Variants in NDC80 observed in about 807,000 individuals in gnomAD.
NDC80 encodes the protein kinetochore protein NDC80 homolog.
NDC80 carries 69 observed loss-of-function variants against 89.3 expected under a neutral mutation model. The observed-to-expected ratio is 0.77, with a 90% CI of 0.64 to 0.94. The LOEUF (loss-of-function observed/expected upper bound fraction) is 0.94, where lower values mean the gene tolerates loss of function less well. Ranked by LOEUF, NDC80 falls within the 40% of genes least tolerant of loss-of-function variation. NDC80 has a pLI of 0.00. For synonymous variants in NDC80, 243 were observed against 255.6 expected (o/e 0.95, Z 0.47); for missense variants, 593 against 739.6 (o/e 0.80, Z 2.30).
At position 2,610,851 on chromosome 18, in the gene NDC80, G is replaced by A. The variant is rs201624661; in HGVS notation, c.1781G>A (p.Gly594Glu). Residue 594 changes from glycine to glutamate, a missense_variant, in exon 16 of 17, where the codon GGG (glycine) becomes GAG (glutamate). Gly to Glu is a moderately conservative substitution (Grantham distance 98). Coordinates refer to ENST00000261597, the MANE Select transcript of NDC80 (RefSeq NM_006101.3). ...RLLEMVATHV[G>E]SVEKHLEEQI... ...TTAGAGATGGTTGCTACACATGTTGGGTCTGTAGAGGTAAGTATGTGATGG... is the reference window on the plus strand; with the variant it reads ...TTAGAGATGGTTGCTACACATGTTGAGTCTGTAGAGGTAAGTATGTGATGG... The A allele has an allele frequency of 6.5e-7, 1 of 1,541,482 alleles. No individual in the cohort carries two copies. The highest frequency in any genetic ancestry group is 2.3e-5 in the East Asian group (1 of 43,130).
intron 15 of NDC80, among the ~76,000 whole-genome samples, chr18:2,610,119 C>G (rs2072734988): frequency 6.6e-6 from 1 of 152,142 alleles, no homozygotes; most frequent in African/African-American, 2.4e-5. Context: ...ACAGTGGCAT[C>G]CTTTCTTTAA....
intron 12 of NDC80, among the ~76,000 whole-genome samples, chr18:2,600,989 G>A (rs970144030): frequency 5.3e-5 from 8 of 152,116 alleles, no homozygotes; most frequent in Non-Finnish European, 1.0e-4. Flanking sequence ...AGAAATACAG[G>A]CAGAGAATCC....
At chr18:2,577,666 T>C in intron 3 of NDC80, 80 bp from the exon 4 acceptor site, 1 of 1,518,440 alleles carries the variant, frequency 6.6e-7, no homozygotes, top group African/African-American at 1.4e-5. Flanking sequence ...GATGTTAAAA[T>C]GCAAAACTGC....
chr18:2,573,520 C>T (rs772158144), intron 2 of NDC80, among the ~76,000 whole-genome samples: 3 of 152,172 alleles, frequency 2.0e-5, no homozygotes, highest in Non-Finnish European at 4.4e-5. Context: ...AACACCACTC[C>T]TCCGAACTCT....
At position 2,577,969 on chromosome 18, in the gene NDC80, T is replaced by G; in HGVS notation, c.304T>G (p.Phe102Val). Residue 102 changes from phenylalanine (F) to valine (V), a missense_variant and splice_region_variant, in exon 5 of 17, where the codon TTT (phenylalanine) becomes GTT (valine). Physicochemically the swap from Phe to Val is conservative, Grantham distance 50. Coordinates refer to ENST00000261597, the MANE Select transcript of NDC80 (RefSeq NM_006101.3). ...IQQCIRQLCE[F>V]LTENGYAHNV... is the part of the protein sequence containing the mutation. Reference sequence around the variant, plus strand: ...TGGTGGTTCATAAAAATTATTGTAGTTTCTTACAGAAAATGGTTATGCACA... The same window carrying G: ...TGGTGGTTCATAAAAATTATTGTAGGTTCTTACAGAAAATGGTTATGCACA... 1 of 1,610,738 alleles carries G rather than the reference T, an allele frequency of 6.2e-7. No individual in the cohort carries two copies. Among genetic ancestry groups the G allele is most frequent in the Non-Finnish European group, 8.5e-7 (1 of 1,178,414 alleles).
chr18:2,593,095 C>A (rs2072636442), intron 10 of NDC80, among the ~76,000 whole-genome samples: 1 of 144,906 alleles, frequency 6.9e-6, no homozygotes, highest in Non-Finnish European at 1.5e-5. Context: ...TACTCTGTCA[C>A]CCAGCCTGGA....
intron 14 of NDC80, among the ~76,000 whole-genome samples, chr18:2,606,756 T>C (rs1433379401): frequency 6.6e-6 from 1 of 151,900 alleles, no homozygotes; most frequent in African/African-American, 2.4e-5. Flanking sequence ...TTATCTGGTA[T>C]TTTATACTTG....
intron 5 of NDC80, 131 bp downstream of exon 5, chr18:2,578,272 G>A (rs1280236103): frequency 8.5e-6 from 7 of 827,334 alleles, no homozygotes; most frequent in South Asian, 4.5e-5. Context: ...AATATATGTA[G>A]GATAAATTGA....
intron 2 of NDC80, among the ~76,000 whole-genome samples, chr18:2,574,311 A>G (rs1443419763): frequency 6.6e-6 from 1 of 152,188 alleles, no homozygotes; most frequent in Non-Finnish European, 1.5e-5. Context: ...AGCACTGTAT[A>G]ATGACTATAG....
At chr18:2,604,370 T>C (rs995269521) in intron 13 of NDC80, among the ~76,000 whole-genome samples, 1 of 152,160 alleles carries the variant, frequency 6.6e-6, no homozygotes, top group Non-Finnish European at 1.5e-5. Flanking sequence ...CACATACACC[T>C]TGAGGACCAG....
chr18:2,587,463 C>T (rs1432368237), intron 7 of NDC80, among the ~76,000 whole-genome samples: 2 of 152,138 alleles, frequency 1.3e-5, no homozygotes, highest in Non-Finnish European at 2.9e-5. Context: ...TTAAATTTTT[C>T]ATCAGGTGCT....
intron 2 of NDC80, 58 bp from the exon 3 acceptor site, chr18:2,574,930 AG>A: frequency 9.1e-7 from 1 of 1,098,220 alleles, no homozygotes; most frequent in Non-Finnish European, 1.3e-6. Flanking sequence ...TATTTCTAAA[AG>A]TTTCTTGAGC....
At chr18:2,597,646 G>A (rs1199955055) in intron 11 of NDC80, among the ~76,000 whole-genome samples, 3 of 151,944 alleles carry the variant, frequency 2.0e-5, no homozygotes, top group Non-Finnish European at 2.9e-5. Context: ...CAGGAGAATC[G>A]CTTGAACCCG....
chr18:2,573,748 G>T (rs2072531944), intron 2 of NDC80, among the ~76,000 whole-genome samples: 1 of 152,094 alleles, frequency 6.6e-6, no homozygotes, highest in African/African-American at 2.4e-5. Context: ...TTAGAAATTT[G>T]AAATATTTAT....
intron 11 of NDC80, among the ~76,000 whole-genome samples, chr18:2,596,726 CAT>C (rs1348172744): frequency 3.9e-5 from 6 of 152,088 alleles, no homozygotes; most frequent in Non-Finnish European, 7.3e-5. Flanking sequence ...CCCATGCACA[CAT>C]ATGTTTATTG....
chr18:2,615,737 A>G (rs1312337626), intron 16 of NDC80, among the ~76,000 whole-genome samples: 1 of 152,238 alleles, frequency 6.6e-6, no homozygotes, highest in Non-Finnish European at 1.5e-5. Flanking sequence ...CTAGAATACT[A>G]TGCAGTACAT....
At chr18:2,603,536 A>C (rs552951552) in intron 13 of NDC80, among the ~76,000 whole-genome samples, 1 of 151,700 alleles carries the variant, frequency 6.6e-6, no homozygotes, top group East Asian at 1.9e-4. Flanking sequence ...GGAAATAATA[A>C]AGTTTATAAA....
chr18:2,602,461 G>A (rs988277287), intron 13 of NDC80, among the ~76,000 whole-genome samples: 2 of 152,098 alleles, frequency 1.3e-5, no homozygotes, highest in Non-Finnish European at 2.9e-5. Context: ...GAAAAGATGA[G>A]GAATTTGCTC....
At position 2,578,908 on chromosome 18, in the gene NDC80, T is replaced by G. The variant is rs1286976078; in HGVS notation, c.477-19T>G. 5 of 1,357,176 alleles carry G rather than the reference T, an allele frequency of 3.7e-6. No homozygotes were observed. Among genetic ancestry groups the G allele is most frequent in the Middle Eastern group, 1.9e-4 (1 of 5,286 alleles). 84.1% of individuals were successfully genotyped at this position (1,357,176 alleles called of 1,614,324 possible). A position where few individuals can be genotyped will look rare whatever the true frequency, so the allele number is the denominator to read the frequency against. ...TATAATAACATTAAATTAGCTTATG[T>G]TTTTCTGATTTCTCATAGGTATCCT... is the stretch of plus-strand genomic sequence containing the variant. On this transcript the variant is annotated intron_variant, in intron 5 of 16. Transcript: ENST00000261597.
Sources: gnomAD v4.1 joint callset for allele counts (sites outside exome capture counted in the v4.1 genomes callset) on GRCh38, gnomAD v4.1.1 for gene constraint, MANE v1.5 for transcripts, NCBI Gene and HGNC (gene_info 2026-07-23, HGNC 2026-07-21) for gene names.